NIBAN2: variants seen among roughly 807,000 people sequenced by gnomAD.
NIBAN2 encodes the protein protein Niban 2.
In NIBAN2, 36 loss-of-function variants were observed where a neutral mutation model predicts 81.8. The ratio of observed to expected loss-of-function variants is 0.44; its 90% CI spans 0.34 to 0.58. The LOEUF is 0.58. Ranked by LOEUF, NIBAN2 falls within the 20% of genes least tolerant of loss-of-function variation. The probability of loss-of-function intolerance (pLI) is 0.02; values close to 1 mark genes in which losing one functional copy is unlikely to be tolerated. For missense variants in NIBAN2, 897 were observed against 1,014.1 expected (o/e 0.88, Z 1.57); for synonymous variants, 445 against 441.6 (o/e 1.01, Z -0.10).
chr9:127,560,543 A>C (rs1207667576), intron 1 of NIBAN2, among the ~76,000 whole-genome samples: 3 of 152,084 alleles, frequency 2.0e-5, no homozygotes, highest in Non-Finnish European at 4.4e-5. Context: ...CCTGAGTCCC[A>C]GCAGGCTGGC....
In NIBAN2 at chr9:127,536,546, G is replaced by T. The variant is rs1308574652; in HGVS notation, c.56-4768C>A. On this transcript the variant is annotated intron_variant, in intron 1 of 13. Coordinates refer to ENST00000373312, the MANE Select transcript of NIBAN2 (RefSeq NM_022833.4). This position sits in a 1 kb window ranked among gnomAD's most constrained non-coding sequence, Gnocchi z 4.0. ...GCGTCCCGGCCTGGGTGTCTGTGGGGGTCCTGAGCCCGGGCACCCCTCTTT... is the reference window on the plus strand; with the variant it reads ...GCGTCCCGGCCTGGGTGTCTGTGGGTGTCCTGAGCCCGGGCACCCCTCTTT... 6.6e-6 allele frequency among the ~76,000 whole-genome samples: 1 copy of T among 152,202 alleles called. No individual in the cohort carries two copies. The highest frequency in any genetic ancestry group is 1.5e-5 in the Non-Finnish European group (1 of 68,022).
At chr9:127,558,051 C>T (rs375839979) in intron 1 of NIBAN2, among the ~76,000 whole-genome samples, 23 of 147,376 alleles carry the variant, frequency 1.6e-4, no homozygotes, top group South Asian at 1.1e-3. Context: ...GCTGCCCCTT[C>T]CCCCTCCTCT....
intron 1 of NIBAN2, among the ~76,000 whole-genome samples, chr9:127,574,360 G>C (rs977633774): frequency 6.6e-6 from 1 of 151,774 alleles, no homozygotes; most frequent in East Asian, 1.9e-4. Flanking sequence ...AACCTGCCCC[G>C]CCCCTCCCCT....
intron 1 of NIBAN2, among the ~76,000 whole-genome samples, chr9:127,575,864 C>T (rs1838003097): frequency 1.3e-5 from 2 of 152,076 alleles, no homozygotes; most frequent in Non-Finnish European, 2.9e-5. Context: ...CATCTTGCCC[C>T]ACCAAGCAGC....
intron 1 of NIBAN2, among the ~76,000 whole-genome samples, chr9:127,558,010 G>T (rs969281333): frequency 1.3e-5 from 2 of 151,876 alleles, no homozygotes; most frequent in African/African-American, 4.8e-5. Flanking sequence ...AGAGTCCTAG[G>T]GGGTCAGCCC....
chr9:127,561,425 C>T lies in NIBAN2; in HGVS notation c.55+7395G>A, dbSNP rs141319434. 389 of 342,856 alleles carry T rather than the reference C, an allele frequency of 1.1e-3. 3 individuals are homozygous for T. The highest frequency in any genetic ancestry group is 3.3e-4 in the East Asian group (2 of 6,004). 21.2% of individuals were successfully genotyped at this position (342,856 alleles called of 1,614,324 possible). ...AACAGCTACCACTCACATATTGTCA[C>T]CTCCCACCAACACTGTTCTGCGCTG... On this transcript the variant is annotated intron_variant, in intron 1 of 13. Coordinates refer to ENST00000373312, the MANE Select transcript of NIBAN2 (RefSeq NM_022833.4).
rs1588149176 is a variant in NIBAN2 at position 127,507,848 on chromosome 9, A to C, written c.1654+19T>G. On this transcript the variant is annotated intron_variant, in intron 13 of 13. Transcript: ENST00000373312. The surrounding 1 kb of genome is among the most constrained non-coding windows in gnomAD (Gnocchi z 6.8). ...CAGCATCCTCCTGGCAACAGTCCCC[A>C]CCCCGGGACGGCACCCACCCTGCAG... 6.3e-7 allele frequency: 1 copy of C among 1,598,490 alleles called. No homozygotes were observed. The highest frequency in any genetic ancestry group is 8.6e-7 in the Non-Finnish European group (1 of 1,166,372).
rs1294194236 is a variant in NIBAN2, at chr9:127,527,278, C to T, written c.231G>A (p.Gln77=). 6.2e-7 allele frequency: 1 copy of T among 1,613,796 alleles called. No homozygotes were observed. The highest frequency in any genetic ancestry group is 1.1e-5 in the South Asian group (1 of 91,070). The change falls in exon 3 of 14, where the codon CAG becomes CAA. Residue 77 remains glutamine (Q), a synonymous_variant. Coordinates refer to ENST00000373312, the MANE Select transcript of NIBAN2 (RefSeq NM_022833.4). ...ERIVFSGNLF[Q]HQEDSKKWRN... ...TCCACTTCTTGCTGTCCTCCTGGTG[C>T]TGGAAGAGGTTCCCCGAGAAGACGA... is the stretch of plus-strand genomic sequence containing the variant.
At chr9:127,561,479 G>A (rs1332308056) in intron 1 of NIBAN2, among the ~76,000 whole-genome samples, 2 of 152,214 alleles carry the variant, frequency 1.3e-5, no homozygotes, top group African/African-American at 4.8e-5. Flanking sequence ...CATACCTTGA[G>A]ATGCCAGAAC....
chr9:127,575,025 A>G (rs1196294371), intron 1 of NIBAN2, among the ~76,000 whole-genome samples: 1 of 152,188 alleles, frequency 6.6e-6, no homozygotes, highest in African/African-American at 2.4e-5. Context: ...GAATTGTTGT[A>G]AACACAGATA....
Position 127,517,869 on chromosome 9 carries a change from T to A in NIBAN2, c.662A>T (p.Glu221Val). The A allele has an allele frequency of 6.2e-7, 1 of 1,613,836 alleles. No homozygotes were observed. Among genetic ancestry groups the A allele is most frequent in the Non-Finnish European group, 8.5e-7 (1 of 1,179,924 alleles). Residue 221 changes from glutamate (E) to valine (V), a missense_variant, in exon 6 of 14, where the codon GAG (glutamate) becomes GTG (valine). By Grantham distance (121) the Glu-to-Val change is moderately radical. Transcript: ENST00000373312. This position sits in a 1 kb window ranked among gnomAD's most constrained non-coding sequence, Gnocchi z 4.0. Reference protein sequence around the residue: ...DAIRMYRQSKELYGTWEMLCG... With the variant: ...DAIRMYRQSKVLYGTWEMLCG... ...CAGCATCTCCCAGGTGCCGTACAGC[T>A]CCTTGGACTGTCGGTACATGCGGAT...
rs781322883 is a variant in NIBAN2, at chr9:127,516,906, G to A, written c.924C>T (p.Asp308=). 1 of 1,614,206 alleles carries A rather than the reference G, an allele frequency of 6.2e-7. No homozygotes were observed. The highest frequency in any genetic ancestry group is 8.5e-7 in the Non-Finnish European group (1 of 1,180,022). ...QPAMQAVIRT[D]MDQIITSKEH... is the part of the protein sequence containing the mutation. ...CCTTGGAGGTGATAATTTGGTCCAT[G>A]TCAGTTCGGATGACGGCCTGCATGG... Residue 308 remains aspartate, a synonymous_variant, in exon 8 of 14, where the codon GAC becomes GAT. Coordinates refer to ENST00000373312, the MANE Select transcript of NIBAN2 (RefSeq NM_022833.4).
intron 2 of NIBAN2, among the ~76,000 whole-genome samples, chr9:127,530,398 C>T (rs1356403613): frequency 6.6e-6 from 1 of 152,186 alleles, no homozygotes; most frequent in Non-Finnish European, 1.5e-5. Flanking sequence ...AAAGGCTCAG[C>T]CTTGGCCAGG....
At chr9:127,526,337 T>C (rs1588162920) in intron 3 of NIBAN2, among the ~76,000 whole-genome samples, 1 of 147,748 alleles carries the variant, frequency 6.8e-6, no homozygotes, top group African/African-American at 2.5e-5. Flanking sequence ...GAGGTGGAGG[T>C]TGCAGTGAGC....
At chr9:127,557,771 T>C (rs780551348) in intron 1 of NIBAN2, among the ~76,000 whole-genome samples, 104 of 152,264 alleles carry the variant, frequency 6.8e-4, no homozygotes, top group Middle Eastern at 3.4e-3. Context: ...CAGAGAGAAA[T>C]GAAGAGTTTC....
chr9:127,523,024 C>G (rs1306977513), intron 5 of NIBAN2, among the ~76,000 whole-genome samples: 1 of 151,278 alleles, frequency 6.6e-6, no homozygotes, highest in African/African-American at 2.4e-5. Context: ...GTGCCTAAAT[C>G]TGGGCCTCCT....
chr9:127,519,002 C>T (rs1256275245), intron 5 of NIBAN2, among the ~76,000 whole-genome samples: 4 of 151,966 alleles, frequency 2.6e-5, no homozygotes, highest in Admixed American at 2.6e-4. Flanking sequence ...TGGCAAAACC[C>T]CATCTCTACT....
chr9:127,573,384 A>G (rs1254406651), upstream of NIBAN2, among the ~76,000 whole-genome samples: 1 of 151,878 alleles, frequency 6.6e-6, no homozygotes, highest in East Asian at 1.9e-4. Flanking sequence ...ATATGTTAAG[A>G]AATCAATTAT....
chr9:127,535,824 C>G (rs1837265589), intron 1 of NIBAN2, among the ~76,000 whole-genome samples: 1 of 151,822 alleles, frequency 6.6e-6, no homozygotes, highest in Non-Finnish European at 1.5e-5. Context: ...CTGGCACAAG[C>G]AGATGTCGGC....
Sources: gnomAD v4.1 joint callset for allele counts (sites outside exome capture counted in the v4.1 genomes callset) on GRCh38, gnomAD v4.1.1 for gene constraint, Gnocchi (gnomAD v3.1) non-coding constraint, MANE v1.5 for transcripts, NCBI Gene and HGNC (gene_info 2026-07-23, HGNC 2026-07-21) for gene names.